The following ROBO2 variants were observed in gnomAD, a reference collection of about 807,000 sequenced individuals.
The protein encoded by ROBO2 is roundabout homolog 2.
A neutral mutation model predicts 160.8 loss-of-function variants in ROBO2; 53 were observed. The ratio of observed to expected loss-of-function variants is 0.33; its 90% CI spans 0.26 to 0.41. ROBO2 has a LOEUF of 0.41. Ranked by LOEUF, ROBO2 falls within the 10% of genes least tolerant of loss-of-function variation. The probability of loss-of-function intolerance (pLI) is 1.00; values close to 1 mark genes in which losing one functional copy is unlikely to be tolerated. For synonymous variants in ROBO2, 664 were observed against 611.7 expected (o/e 1.09, Z -1.26); for missense variants, 1,577 against 1,722.4 (o/e 0.92, Z 1.49).
At chr3:76,572,379 T>A (rs369349688) in intron 2 of ROBO2, among the ~76,000 whole-genome samples, 10 of 152,242 alleles carry the variant, frequency 6.6e-5, no homozygotes, top group African/African-American at 2.4e-4. Context: ...CTTCCTTTTT[T>A]GTTTTTGTCT....
At chr3:77,340,557 T>C (rs1309194055) in intron 2 of ROBO2, among the ~76,000 whole-genome samples, 1 of 152,080 alleles carries the variant, frequency 6.6e-6, no homozygotes, top group Admixed American at 6.6e-5. Flanking sequence ...ATAAGACAAA[T>C]CATCATTTTC....
intron 2 of ROBO2, among the ~76,000 whole-genome samples, chr3:76,705,489 A>G (rs1046197116): frequency 2.0e-5 from 3 of 152,116 alleles, no homozygotes; most frequent in Non-Finnish European, 4.4e-5. Flanking sequence ...GCAGCATCCA[A>G]TGATGCAACA....
At position 76,648,123 on chromosome 3, in the gene ROBO2, A is replaced by G. The variant is rs377058716; in HGVS notation, c.110-449891A>G. Among the ~76,000 whole-genome samples the G allele has an allele frequency of 2.0e-5, 3 of 152,080 alleles. No individual in the cohort carries two copies. In the South Asian group the frequency reaches 6.2e-4, roughly 31 times the overall value. ...GCATGTTTTTGGGATATTAGTGTACATTGTTGCTTATTTCTATAACACATA... is the reference window on the plus strand; with the variant it reads ...GCATGTTTTTGGGATATTAGTGTACGTTGTTGCTTATTTCTATAACACATA... On this transcript the variant is annotated intron_variant, in intron 2 of 26. Coordinates refer to the ROBO2 transcript ENST00000487694.
intron 2 of ROBO2, among the ~76,000 whole-genome samples, chr3:76,300,562 A>G (rs36053682): frequency 0.067 from 10,207 of 152,010 alleles, 422 homozygotes; most frequent in African/African-American, 0.12. Context: ...CTATTTTGCC[A>G]TTAAGGGTGA....
At chr3:76,145,336 A>T (rs1416771961) in intron 2 of ROBO2, among the ~76,000 whole-genome samples, 2 of 152,078 alleles carry the variant, frequency 1.3e-5, no homozygotes, top group Admixed American at 6.6e-5. Context: ...TCCCACCAAT[A>T]TTTAATCCAT....
At chr3:76,259,561 A>G (rs1706611340) in intron 2 of ROBO2, among the ~76,000 whole-genome samples, 1 of 152,200 alleles carries the variant, frequency 6.6e-6, no homozygotes, top group Non-Finnish European at 1.5e-5. Flanking sequence ...TTTTTAAGAC[A>G]GACTGCCTAG....
At chr3:77,279,474 G>A (rs1006566817) in intron 2 of ROBO2, among the ~76,000 whole-genome samples, 13 of 152,026 alleles carry the variant, frequency 8.6e-5, no homozygotes, top group Admixed American at 2.0e-4. Context: ...CTTAACTTGT[G>A]GGGTGTGTTC....
chr3:77,511,171 G>T (rs1368452289), intron 5 of ROBO2, among the ~76,000 whole-genome samples: 10 of 151,942 alleles, frequency 6.6e-5, no homozygotes, highest in African/African-American at 2.4e-5. Context: ...CAACGAGCTG[G>T]GAACTTTACA....
At chr3:76,427,415 G>A (rs1328194504) in intron 2 of ROBO2, among the ~76,000 whole-genome samples, 4 of 152,076 alleles carry the variant, frequency 2.6e-5, no homozygotes, top group Non-Finnish European at 5.9e-5. Context: ...AGCATACAAT[G>A]GAGGGTTCCT....
intron 2 of ROBO2, among the ~76,000 whole-genome samples, chr3:76,138,063 G>A (rs1416886521): frequency 1.3e-5 from 2 of 151,882 alleles, no homozygotes; most frequent in African/African-American, 2.4e-5. Flanking sequence ...AAGCATAACC[G>A]TGACTTTATC....
chr3:77,607,878 C>A (rs1343751699), exon 21 of ROBO2: 1 of 1,613,864 alleles, frequency 6.2e-7, no homozygotes, highest in Non-Finnish European at 8.5e-7. Flanking sequence ...GGCCAATGTC[C>A]CTCTACCTCC....
intron 2 of ROBO2, among the ~76,000 whole-genome samples, chr3:76,396,588 C>G (rs1340986436): frequency 6.6e-6 from 1 of 152,026 alleles, no homozygotes; most frequent in African/African-American, 2.4e-5. Flanking sequence ...TGTCTCAGCC[C>G]AAAATCTCCT....
chr3:76,246,531 G>A (rs535827319), intron 2 of ROBO2, among the ~76,000 whole-genome samples: 17 of 152,054 alleles, frequency 1.1e-4, no homozygotes, highest in African/African-American at 2.9e-4. Context: ...GAGTTTTTAC[G>A]AACACTTTCT....
intron 13 of ROBO2, among the ~76,000 whole-genome samples, chr3:77,574,127 G>C (rs970363042): frequency 1.1e-4 from 16 of 152,028 alleles, no homozygotes; most frequent in Non-Finnish European, 2.2e-4. Flanking sequence ...ACATAAAAGG[G>C]AATTGTTGGA....
intron 1 of ROBO2, among the ~76,000 whole-genome samples, chr3:75,934,269 A>G (rs1947672668): frequency 1.3e-5 from 2 of 152,208 alleles, no homozygotes; most frequent in Non-Finnish European, 2.9e-5. Context: ...GGGCTCAACT[A>G]TCCAGGCTTT....
chr3:77,011,695 T>C (rs966377052), intron 2 of ROBO2, among the ~76,000 whole-genome samples: 4 of 152,038 alleles, frequency 2.6e-5, no homozygotes, highest in African/African-American at 9.7e-5. Context: ...GTGGTAAGAA[T>C]TTCTCCTTCT....
chr3:76,201,889 CAAAAAAAAAAAAA>C (rs3039047), intron 2 of ROBO2, among the ~76,000 whole-genome samples: 3 of 105,582 alleles, frequency 2.8e-5, no homozygotes, highest in Non-Finnish European at 5.7e-5. Flanking sequence ...CGAGAAATGT[CAAAAAAAAAAAAA>C]AAAAAAAAAG....
At chr3:77,342,054 C>A (rs578245431) in intron 2 of ROBO2, among the ~76,000 whole-genome samples, 2 of 151,984 alleles carry the variant, frequency 1.3e-5, no homozygotes, top group African/African-American at 4.8e-5. Context: ...ATAAAGCTTC[C>A]GTGCGTGTAT....
chr3:76,139,735 C>T (rs950126373), intron 2 of ROBO2, among the ~76,000 whole-genome samples: 1 of 151,998 alleles, frequency 6.6e-6, no homozygotes. Context: ...ATAAAGAGCC[C>T]CTGAAGCATT....
Sources: allele counts gnomAD v4.1 joint callset (sites outside exome capture counted in the v4.1 genomes callset), GRCh38; gene constraint gnomAD v4.1.1; transcripts MANE v1.5; gene names NCBI Gene and HGNC (gene_info 2026-07-23, HGNC 2026-07-21).